Variants in PLA2G2C observed in about 807,000 individuals in gnomAD.
PLA2G2C encodes the protein phospholipase A2 group IIC.
A neutral mutation model predicts 14.3 loss-of-function variants in PLA2G2C; 15 were observed. That is an observed-to-expected ratio of 1.05 (90% CI 0.70 to 1.62). PLA2G2C has a LOEUF of 1.62. Among genes scored for constraint, PLA2G2C ranks in the 40% most tolerant of loss-of-function variants. PLA2G2C has a pLI of 0.00. For missense variants in PLA2G2C, 162 were observed against 173.2 expected (o/e 0.94, Z 0.36); for synonymous variants, 79 against 67.7 (o/e 1.17, Z -0.82).
intron 4 of PLA2G2C, 101 bp from the exon 5 acceptor site, chr1:20,164,258 T>A: frequency 1.2e-5 from 15 of 1,246,788 alleles, no homozygotes; most frequent in Non-Finnish European, 1.6e-5. Context: ...GGCCAAGGGT[T>A]AAGGACAGAA....
In PLA2G2C at chr1:20,174,999, G is replaced by A; in HGVS notation, c.179+8C>T. On this transcript the variant is annotated splice_region_variant and intron_variant, in intron 3 of 4. Transcript: ENST00000679259. ...AATGATAAGTGGCCTTAGAGCCTCT[G>A]CACCCACCTGTCAGTGTCATCCACG... 6.2e-7 allele frequency: 1 copy of A among 1,611,762 alleles called. No individual in the cohort carries two copies. Among genetic ancestry groups the A allele is most frequent in the Non-Finnish European group, 8.5e-7 (1 of 1,178,754 alleles).
intron 4 of PLA2G2C, among the ~76,000 whole-genome samples, chr1:20,170,868 G>A (rs1017103934): frequency 5.7e-5 from 8 of 141,522 alleles, no homozygotes; most frequent in African/African-American, 2.2e-4. Flanking sequence ...GTACTTTCGG[G>A]TCCAACTCCC....
intron 1 of PLA2G2C, 125 bp from the exon 2 acceptor site, chr1:20,177,564 A>C (rs896898873): frequency 2.3e-6 from 1 of 436,664 alleles, no homozygotes; most frequent in Non-Finnish European, 4.0e-6. Context: ...ATTCCCTTTG[A>C]ATGTGGTAAC....
At chr1:20,171,485 G>T (rs1282972202) in intron 4 of PLA2G2C, among the ~76,000 whole-genome samples, 1 of 152,152 alleles carries the variant, frequency 6.6e-6, no homozygotes, top group Non-Finnish European at 1.5e-5. Context: ...CCTAACTCTG[G>T]GTATTGGTGT....
chr1:20,169,898 G>C (rs770940204), intron 4 of PLA2G2C, among the ~76,000 whole-genome samples: 1 of 152,180 alleles, frequency 6.6e-6, no homozygotes. Flanking sequence ...CCTTCCCTGG[G>C]CCAGGGCAGA....
chr1:20,170,711 A>AAAAGACACTT (rs2018059319), intron 4 of PLA2G2C, among the ~76,000 whole-genome samples: 1 of 143,786 alleles, frequency 7.0e-6, no homozygotes. Context: ...GCGGGTGCTG[A>AAAAGACACTT]TGCCCTGGTA....
At chr1:20,166,718 T>C (rs1213918643) in intron 4 of PLA2G2C, among the ~76,000 whole-genome samples, 1 of 152,198 alleles carries the variant, frequency 6.6e-6, no homozygotes, top group Non-Finnish European at 1.5e-5. Context: ...CCTTCCTTTC[T>C]CCCTGCCCCC....
intron 4 of PLA2G2C, among the ~76,000 whole-genome samples, chr1:20,166,259 C>T (rs2017976965): frequency 6.6e-6 from 1 of 152,346 alleles, no homozygotes; most frequent in African/African-American, 2.4e-5. Flanking sequence ...CCTCCCACGC[C>T]TCCCTGGAAC....
At chr1:20,171,808 C>T (rs2018080868) in intron 4 of PLA2G2C, among the ~76,000 whole-genome samples, 1 of 139,210 alleles carries the variant, frequency 7.2e-6, no homozygotes, top group Non-Finnish European at 1.5e-5. Context: ...GTGGCCCAGG[C>T]GGGAGTGCAG....
At chr1:20,182,014 C>T (rs1048047828) in intron 1 of PLA2G2C, among the ~76,000 whole-genome samples, 1 of 152,178 alleles carries the variant, frequency 6.6e-6, no homozygotes. Flanking sequence ...TCTGGCCCCC[C>T]ACAGAATGCC....
chr1:20,164,035 A>T lies in PLA2G2C; in HGVS notation c.406T>A (p.Phe136Ile), dbSNP rs749042026. Residue 136 changes from phenylalanine to isoleucine, a missense_variant, in exon 5 of 5, where the codon TTC (phenylalanine) becomes ATC (isoleucine). By Grantham distance (21) the Phe-to-Ile change is conservative (BLOSUM62 0). Coordinates refer to ENST00000679259, the MANE Select transcript of PLA2G2C (RefSeq NM_001367969.2). ...LPTYEKNFKQ[F>I]SSQPRCGRHK... ...CTGCCACACCTGGGCTGGCTGGAGA[A>T]CTGCTTGAAGTTTTTCTCATAGGTG... is the stretch of plus-strand genomic sequence containing the variant. 6.2e-7 allele frequency: 1 copy of T among 1,613,560 alleles called. No homozygotes were observed. The highest frequency in any genetic ancestry group is 1.3e-5 in the African/African-American group (1 of 74,920).
intron 4 of PLA2G2C, among the ~76,000 whole-genome samples, chr1:20,164,422 G>A (rs1004863519): frequency 2.0e-5 from 3 of 152,194 alleles, no homozygotes; most frequent in African/African-American, 7.2e-5. Context: ...GTGTGTGTGC[G>A]TGTGCATGTG....
chr1:20,170,501 G>A (rs149399299), intron 4 of PLA2G2C, among the ~76,000 whole-genome samples: 2 of 152,154 alleles, frequency 1.3e-5, no homozygotes, highest in African/African-American at 4.8e-5. Flanking sequence ...GGCACTGGGC[G>A]GGTACCCAGT....
At chr1:20,175,193 A>T in intron 2 of PLA2G2C, 48 bp from the exon 3 acceptor site, 1 of 1,613,638 alleles carries the variant, frequency 6.2e-7, no homozygotes, top group Non-Finnish European at 8.5e-7. Flanking sequence ...TGCAATGAGC[A>T]TGATGCTGCC....
At chr1:20,178,583 A>G (rs2018227225) in intron 1 of PLA2G2C, among the ~76,000 whole-genome samples, 1 of 152,154 alleles carries the variant, frequency 6.6e-6, no homozygotes, top group African/African-American at 2.4e-5. Flanking sequence ...ATGTTTTTTA[A>G]TTAGGTTCTG....
rs749797750 is a variant in PLA2G2C at position 20,172,931 on chromosome 1, A to G, written c.180-34T>C. The G allele has an allele frequency of 7.1e-6, 11 of 1,551,564 alleles. No homozygotes were observed. The South Asian group carries it at 1.2e-4, about 17-fold the overall frequency. ...GGGTCCCTCAGGAATCTGCTGGAGG[A>G]CCTTATCTGGGGACTAGAAAGGGCT... On this transcript the variant is annotated intron_variant, in intron 3 of 4. Coordinates refer to ENST00000679259, the MANE Select transcript of PLA2G2C (RefSeq NM_001367969.2).
At chr1:20,182,272 A>T (rs1323731722) in intron 1 of PLA2G2C, among the ~76,000 whole-genome samples, 1 of 152,264 alleles carries the variant, frequency 6.6e-6, no homozygotes, top group East Asian at 1.9e-4. Context: ...TAGCTGCGCT[A>T]TATAGGCATA....
chr1:20,180,170 C>T (rs1276025903), intron 1 of PLA2G2C, among the ~76,000 whole-genome samples: 1 of 152,182 alleles, frequency 6.6e-6, no homozygotes, highest in Non-Finnish European at 1.5e-5. Context: ...TTCCCTTGCT[C>T]ACTTCCCTAC....
Position 20,164,054 on chromosome 1 carries a change from A to G in PLA2G2C, c.387T>C (p.Tyr129=). 1 of 1,613,796 alleles carries G rather than the reference A, an allele frequency of 6.2e-7. No homozygotes were observed. Among genetic ancestry groups the G allele is most frequent in the Non-Finnish European group, 8.5e-7 (1 of 1,179,802 alleles). ...TGGAGAACTGCTTGAAGTTTTTCTC[A>G]TAGGTGGGCAGGCTCTCTTTGAAGC... ...VHCFKESLPT[Y]EKNFKQFSSQ... Residue 129 remains tyrosine (Y), a synonymous_variant, in exon 5 of 5, where the codon TAT becomes TAC. Transcript: ENST00000679259.
Sources: gnomAD v4.1 joint callset for allele counts (sites outside exome capture counted in the v4.1 genomes callset) on GRCh38, gnomAD v4.1.1 for gene constraint, MANE v1.5 for transcripts, NCBI Gene and HGNC (gene_info 2026-07-23, HGNC 2026-07-21) for gene names.